The following POGLUT3 variants were observed in gnomAD, a reference collection of about 807,000 sequenced individuals.
POGLUT3 encodes KDEL (Lys-Asp-Glu-Leu) containing 2.
In POGLUT3, 48 loss-of-function variants were observed where a neutral mutation model predicts 54.3. The ratio of observed to expected loss-of-function variants is 0.88; its 90% CI spans 0.70 to 1.12. The LOEUF (loss-of-function observed/expected upper bound fraction) is 1.12, where lower values mean the gene tolerates loss of function less well. Ranked by LOEUF, POGLUT3 falls within the 50% of genes most tolerant of loss-of-function variation. POGLUT3 has a pLI of 0.00. For missense variants in POGLUT3, 629 were observed against 618.7 expected, an observed-to-expected ratio of 1.02 and a Z score of -0.18; for synonymous variants, 218 against 237.4, an observed-to-expected ratio of 0.92 and a Z score of 0.75.
intron 1 of POGLUT3, among the ~76,000 whole-genome samples, chr11:108,496,312 T>C (rs2093622144): frequency 6.7e-6 from 1 of 149,974 alleles, no homozygotes; most frequent in South Asian, 2.1e-4. Flanking sequence ...AAAGACCTTG[T>C]CTCTTAAAAA....
At chr11:108,497,778 G>C (rs949417908) in intron 1 of POGLUT3, among the ~76,000 whole-genome samples, 4 of 152,146 alleles carry the variant, frequency 2.6e-5, no homozygotes, top group African/African-American at 9.7e-5. Context: ...AATCCGACGC[G>C]ATCCGTCGGC....
chr11:108,490,280 C>T (rs896661585), intron 2 of POGLUT3, among the ~76,000 whole-genome samples: 1 of 152,080 alleles, frequency 6.6e-6, no homozygotes, highest in Non-Finnish European at 1.5e-5. Context: ...TCACTGCAAC[C>T]TCCACCTCCC....
intron 3 of POGLUT3, among the ~76,000 whole-genome samples, chr11:108,485,195 C>T (rs1461348391): frequency 1.3e-5 from 2 of 151,866 alleles, no homozygotes; most frequent in African/African-American, 2.4e-5. Flanking sequence ...CAAAATGTCC[C>T]ATGCACGCTA....
intron 6 of POGLUT3, 45 bp downstream of exon 6, chr11:108,479,256 T>C (rs1685741389): frequency 7.4e-7 from 1 of 1,358,454 alleles, no homozygotes; most frequent in Non-Finnish European, 1.0e-6. Flanking sequence ...CTAACACTGA[T>C]GAATTTGTTA....
intron 1 of POGLUT3, among the ~76,000 whole-genome samples, chr11:108,492,400 A>G (rs947886235): frequency 1.3e-5 from 2 of 152,242 alleles, no homozygotes; most frequent in Admixed American, 6.5e-5. Context: ...GGAAAATGCT[A>G]AAAAAGTAAT....
chr11:108,481,048 A>G, intron 5 of POGLUT3, 132 bp downstream of exon 5: 1 of 670,962 alleles, frequency 1.5e-6, no homozygotes, highest in Non-Finnish European at 2.5e-6. Context: ...AATTCCTGAT[A>G]TCTAATAAGA....
intron 5 of POGLUT3, among the ~76,000 whole-genome samples, chr11:108,480,930 A>T (rs948571605): frequency 6.6e-6 from 1 of 152,092 alleles, no homozygotes. Context: ...AGACATAAAT[A>T]TACCAAAATC....
intron 7 of POGLUT3, among the ~76,000 whole-genome samples, chr11:108,476,929 C>A (rs1233562258): frequency 6.6e-6 from 1 of 152,080 alleles, no homozygotes. Flanking sequence ...ATCTCCAGTC[C>A]AACCATCTTG....
intron 5 of POGLUT3, 25 bp downstream of exon 5, chr11:108,481,155 C>G (rs1201768403): frequency 6.4e-7 from 1 of 1,550,522 alleles, no homozygotes; most frequent in Non-Finnish European, 8.7e-7. Flanking sequence ...GCTTCATATC[C>G]ATAGAAGAAG....
rs770531386 is a variant in POGLUT3 at position 108,479,403 on chromosome 11, C to T, written c.1191G>A (p.Ser397=). ...CCATGTAGAAATGTTCATAATATGGCGAGTCCTGCTTTAAAACCAGACTGT... is the reference window on the plus strand; with the variant it reads ...CCATGTAGAAATGTTCATAATATGGTGAGTCCTGCTTTAAAACCAGACTGT... ...LGDSLVLKQD[S]PYYEHFYMAL... is the part of the protein sequence containing the mutation. The change falls in exon 6 of 8, where the codon TCG becomes TCA. Residue 397 remains serine (S), a synonymous_variant. Transcript: ENST00000323468. 5.6e-6 allele frequency: 9 copies of T among 1,612,360 alleles called. No individual in the cohort carries two copies. Among genetic ancestry groups the T allele is most frequent in the African/African-American group, 5.3e-5 (4 of 74,858 alleles).
intron 3 of POGLUT3, 22 bp downstream of exon 3, chr11:108,486,135 A>G (rs747254708): frequency 6.5e-7 from 1 of 1,533,712 alleles, no homozygotes; most frequent in Admixed American, 1.7e-5. Flanking sequence ...AAACTGTATT[A>G]TCAATTCATT....
At chr11:108,490,392 G>T (rs1382049303) in intron 2 of POGLUT3, among the ~76,000 whole-genome samples, 1 of 151,986 alleles carries the variant, frequency 6.6e-6, no homozygotes, top group Non-Finnish European at 1.5e-5. Flanking sequence ...GTAGAGACGG[G>T]GTTTCACCAT....
chr11:108,492,892 C>T (rs1023548729), intron 1 of POGLUT3, among the ~76,000 whole-genome samples: 6 of 152,084 alleles, frequency 3.9e-5, no homozygotes, highest in African/African-American at 1.4e-4. Flanking sequence ...CATTATTTCC[C>T]ACATGGTTTC....
In POGLUT3 at chr11:108,481,376, C is replaced by T. The variant is rs988456517; in HGVS notation, c.902G>A (p.Gly301Glu). The T allele has an allele frequency of 6.4e-6, 10 of 1,558,300 alleles. No individual in the cohort carries two copies. Among genetic ancestry groups the T allele is most frequent in the Non-Finnish European group, 8.6e-6 (10 of 1,161,472 alleles). The change falls in exon 5 of 8, where the codon GGG becomes GAG. Residue 301 changes from glycine to glutamate, a missense_variant and splice_region_variant. Gly to Glu is a moderately conservative substitution (Grantham distance 98). Transcript: ENST00000323468. ...NDLLSIQGNT[G>E]PSWINKTERA... The stretch of plus-strand genomic sequence containing the variant: ...CTCTGTTTTATTGATCCAGGAAGGC[C>T]CTACAAGTTTGAAGCCATAAAAAAA...
chr11:108,486,129 T>G, intron 3 of POGLUT3, 28 bp downstream of exon 3: 1 of 1,491,058 alleles, frequency 6.7e-7, no homozygotes, highest in Non-Finnish European at 9.3e-7. Context: ...ATAATTAAAC[T>G]GTATTATCAA....
intron 5 of POGLUT3, among the ~76,000 whole-genome samples, chr11:108,479,871 T>A (rs1003160157): frequency 9.2e-5 from 14 of 152,238 alleles, no homozygotes; most frequent in African/African-American, 3.4e-4. Flanking sequence ...TATTGCTCTG[T>A]CACCCAGGCT....
rs1182179068 is a variant in POGLUT3, at chr11:108,475,454, G to GTTTTTTTTT, written c.1399-503_1399-502insAAAAAAAAA. 7.3e-5 allele frequency among the ~76,000 whole-genome samples: 8 copies of GTTTTTTTTT among 109,346 alleles called. 1 individual carries two copies. The highest frequency in any genetic ancestry group is 2.8e-4 in the East Asian group (1 of 3,626). The allele number at this position is 109,346 out of a possible 152,430, so 71.7% of individuals were successfully genotyped here. ...TGAGTGAAATATTTCTATAAATGGA[G>GTTTTTTTTT]TTTTTTTTGTTTTTGTTTTTTTTTT... On this transcript the variant is annotated intron_variant, in intron 7 of 7. Transcript: ENST00000323468.
In POGLUT3 at chr11:108,481,324, G is replaced by A; in HGVS notation, c.954C>T (p.Ser318=). 6.2e-7 allele frequency: 1 copy of A among 1,610,310 alleles called. No individual in the cohort carries two copies. The change falls in exon 5 of 8, where the codon AGC becomes AGT. Residue 318 remains serine (S), a synonymous_variant. Coordinates refer to ENST00000323468, the MANE Select transcript of POGLUT3 (RefSeq NM_153705.5). ...GTACCAACTGGAGCCTCTCCTCTCG[G>A]CTGTCTCTACCTCTGAAGAAAGCTC... is the stretch of plus-strand genomic sequence containing the variant. ...TERAFFRGRD[S]REERLQLVQL... is the part of the protein sequence containing the mutation.
intron 3 of POGLUT3, among the ~76,000 whole-genome samples, chr11:108,485,570 A>G (rs1382613874): frequency 6.6e-6 from 1 of 152,182 alleles, no homozygotes; most frequent in Non-Finnish European, 1.5e-5. Context: ...TGGAAGCTCA[A>G]AGAAAGCTTG....
Sources: allele counts gnomAD v4.1 joint callset (sites outside exome capture counted in the v4.1 genomes callset), GRCh38; gene constraint gnomAD v4.1.1; transcripts MANE v1.5; gene names NCBI Gene and HGNC (gene_info 2026-07-23, HGNC 2026-07-21).